The following EDIL3 variants were observed in gnomAD, a reference collection of about 807,000 sequenced individuals.
EDIL3 encodes the protein EGF-like repeat and discoidin I-like domain-containing protein 3.
A neutral mutation model predicts 67.4 loss-of-function variants in EDIL3; 37 were observed. The ratio of observed to expected loss-of-function variants is 0.55; its 90% CI spans 0.42 to 0.72. EDIL3 has a LOEUF of 0.72. Among genes scored for constraint, EDIL3 ranks in the 30% least tolerant of loss-of-function variants. EDIL3 has a pLI of 0.00. For missense variants in EDIL3, 527 were observed against 586.3 expected (o/e 0.90, Z 1.04); for synonymous variants, 195 against 196.3 (o/e 0.99, Z 0.05).
intron 6 of EDIL3, among the ~76,000 whole-genome samples, chr5:84,088,931 G>C (rs998871924): frequency 6.6e-6 from 1 of 152,090 alleles, no homozygotes; most frequent in African/African-American, 2.4e-5. Context: ...AAAAAGAAAT[G>C]TTCTGAAAAA....
intron 6 of EDIL3, among the ~76,000 whole-genome samples, chr5:84,082,172 T>C (rs968794761): frequency 3.3e-5 from 5 of 152,204 alleles, no homozygotes; most frequent in Non-Finnish European, 2.9e-5. Context: ...AACAGAACAG[T>C]TTCCAAGTTT....
intron 4 of EDIL3, among the ~76,000 whole-genome samples, chr5:84,144,950 A>G (rs567695340): frequency 1.3e-5 from 2 of 152,264 alleles, no homozygotes; most frequent in South Asian, 2.1e-4. Context: ...AAGCTCAGCT[A>G]TGATTCACAT....
At chr5:84,142,969 A>T (rs528516128) in intron 4 of EDIL3, among the ~76,000 whole-genome samples, 43 of 151,794 alleles carry the variant, frequency 2.8e-4, no homozygotes, top group African/African-American at 9.9e-4. Flanking sequence ...CTATTTTTTG[A>T]TCCTTAACAA....
At chr5:84,295,707 A>G (rs1203675227) in intron 1 of EDIL3, among the ~76,000 whole-genome samples, 4 of 152,128 alleles carry the variant, frequency 2.6e-5, no homozygotes, top group African/African-American at 9.7e-5. Context: ...CAACTTAATA[A>G]TGCATACTGA....
intron 4 of EDIL3, among the ~76,000 whole-genome samples, chr5:84,142,344 CAG>C (rs1247743624): frequency 1.3e-5 from 2 of 151,960 alleles, no homozygotes; most frequent in South Asian, 4.1e-4. Flanking sequence ...AGAGATGAAA[CAG>C]AGAATTCTTG....
intron 1 of EDIL3, among the ~76,000 whole-genome samples, chr5:84,278,781 C>T (rs1745637984): frequency 6.6e-6 from 1 of 151,818 alleles, no homozygotes; most frequent in African/African-American, 2.4e-5. Flanking sequence ...ACTCCTCTCC[C>T]AGAGGACCAA....
chr5:84,167,340 T>A (rs938811417), intron 4 of EDIL3, among the ~76,000 whole-genome samples: 1 of 151,856 alleles, frequency 6.6e-6, no homozygotes, highest in Non-Finnish European at 1.5e-5. Flanking sequence ...CGTTCATGAG[T>A]TTGCCCCTTC....
At chr5:84,264,382 C>T (rs1433369578) in intron 1 of EDIL3, among the ~76,000 whole-genome samples, 1 of 152,098 alleles carries the variant, frequency 6.6e-6, no homozygotes, top group Admixed American at 6.5e-5. Flanking sequence ...AAGGTTGTTG[C>T]CTGGGAAAAC....
chr5:84,139,496 A>G (rs1314391274), intron 4 of EDIL3, among the ~76,000 whole-genome samples: 3 of 152,196 alleles, frequency 2.0e-5, no homozygotes, highest in African/African-American at 7.2e-5. Flanking sequence ...TTTTCATTAA[A>G]TTTTGTAAGC....
In EDIL3 at chr5:83,943,501, C is replaced by T. The variant is rs373906150; in HGVS notation, c.1361G>A (p.Arg454Gln). The T allele has an allele frequency of 7.8e-5, 126 of 1,612,512 alleles. No homozygotes were observed. Among genetic ancestry groups the T allele is most frequent in the Admixed American group, 1.2e-4 (7 of 59,874 alleles). Reference sequence around the variant, plus strand: ...GGACCAAGGAAGGATTCTTATGTGTCGTGCATAGATGGGAGGGTCGATGAC... The same window carrying T: ...GGACCAAGGAAGGATTCTTATGTGTTGTGCATAGATGGGAGGGTCGATGAC... The part of the protein sequence containing the change: ...KNVIDPPIYA[R>Q]HIRILPWSWY... The change falls in exon 11 of 11, where the codon CGA (arginine) becomes CAA (glutamine). Residue 454 changes from arginine (R) to glutamine (Q), a missense_variant. Arg to Gln is a conservative substitution (Grantham distance 43, BLOSUM62 1). Around this residue, in one of 2 missense-constraint regions of EDIL3, gnomAD observed 33 missense variants for 63.7 expected, o/e 0.52. Transcript: ENST00000296591.
chr5:84,235,242 T>A (rs529017522), intron 2 of EDIL3, among the ~76,000 whole-genome samples: 2 of 152,288 alleles, frequency 1.3e-5, no homozygotes, highest in East Asian at 1.9e-4. Context: ...ATAACAAAGA[T>A]GATTAGTTTC....
At chr5:84,030,863 A>T (rs1485691166) in intron 9 of EDIL3, among the ~76,000 whole-genome samples, 1 of 152,144 alleles carries the variant, frequency 6.6e-6, no homozygotes, top group African/African-American at 2.4e-5. Context: ...AGAGTCAGTC[A>T]TTGTACTAGT....
At chr5:83,977,009 T>C (rs1430247195) in intron 9 of EDIL3, among the ~76,000 whole-genome samples, 1 of 151,866 alleles carries the variant, frequency 6.6e-6, no homozygotes, top group African/African-American at 2.4e-5. Flanking sequence ...TATTTGATTG[T>C]TTCCAGTTTT....
At chr5:84,164,893 C>G (rs915416386) in intron 4 of EDIL3, among the ~76,000 whole-genome samples, 1 of 151,926 alleles carries the variant, frequency 6.6e-6, no homozygotes, top group East Asian at 1.9e-4. Flanking sequence ...AGTAGAAATC[C>G]TAGGAGCGTT....
At chr5:84,301,291 A>T (rs1746157455) in intron 1 of EDIL3, among the ~76,000 whole-genome samples, 1 of 151,738 alleles carries the variant, frequency 6.6e-6, no homozygotes, top group East Asian at 1.9e-4. Context: ...AAAAAAAAAA[A>T]GAAAGAAATG....
At chr5:84,063,259 C>T (rs1746576196) in intron 8 of EDIL3, among the ~76,000 whole-genome samples, 1 of 152,044 alleles carries the variant, frequency 6.6e-6, no homozygotes, top group African/African-American at 2.4e-5. Context: ...TTGTGGCTTC[C>T]TCTTGATTGC....
intron 4 of EDIL3, among the ~76,000 whole-genome samples, chr5:84,141,418 C>T (rs1179415168): frequency 1.4e-5 from 2 of 147,480 alleles, no homozygotes; most frequent in Non-Finnish European, 1.5e-5. Context: ...ATGACTCACC[C>T]TTGTTTCCTG....
At chr5:84,086,838 C>T (rs1438743032) in intron 6 of EDIL3, among the ~76,000 whole-genome samples, 1 of 152,050 alleles carries the variant, frequency 6.6e-6, no homozygotes, top group East Asian at 1.9e-4. Context: ...TAAATCAGGG[C>T]CCCAGGTATC....
chr5:84,212,868 A>G (rs1183983470), intron 3 of EDIL3, among the ~76,000 whole-genome samples: 3 of 152,124 alleles, frequency 2.0e-5, no homozygotes, highest in African/African-American at 7.2e-5. Context: ...ACCAGTTTTC[A>G]TTGGTTCTCT....
Sources: gnomAD v4.1 joint callset for allele counts (sites outside exome capture counted in the v4.1 genomes callset) on GRCh38, gnomAD v4.1.1 for gene constraint, gnomAD v4.1.1 regional missense constraint, MANE v1.5 for transcripts, NCBI Gene and HGNC (gene_info 2026-07-23, HGNC 2026-07-21) for gene names.